WRN: variants seen among roughly 807,000 people sequenced by gnomAD.
WRN encodes bifunctional 3'-5' exonuclease/ATP-dependent helicase WRN.
A neutral mutation model predicts 180.7 loss-of-function variants in WRN; 149 were observed. That is an observed-to-expected ratio of 0.82 (90% CI 0.72 to 0.94). The LOEUF is 0.94. WRN is among the 40% of genes least tolerant of loss of function. WRN has a pLI of 0.00. For synonymous variants in WRN, 548 were observed against 568.9 expected, an observed-to-expected ratio of 0.96 and a Z score of 0.52; for missense variants, 1,661 against 1,700.1, an observed-to-expected ratio of 0.98 and a Z score of 0.40.
intron 13 of WRN, among the ~76,000 whole-genome samples, chr8:31,089,683 A>C (rs1017792031): frequency 6.6e-6 from 1 of 152,040 alleles, no homozygotes; most frequent in African/African-American, 2.4e-5. Flanking sequence ...GGTCAGTAAC[A>C]GCATGCCAGA....
chr8:31,037,345 G>A lies in WRN; in HGVS notation c.-77+3372G>A, dbSNP rs10099812. On this transcript the variant is annotated intron_variant, in intron 1 of 34. Transcript: ENST00000298139. ...GTAACGTGAGGAATGGGGAGCAGCT[G>A]TAAAGAAAAATGAAGCTTCGCTTGC... Among the ~76,000 whole-genome samples the A allele has an allele frequency of 3.5e-3, 538 of 152,328 alleles. 3 individuals carry two copies. The highest frequency in any genetic ancestry group is 0.013 in the African/African-American group (526 of 41,566).
At position 31,127,839 on chromosome 8, in the gene WRN, G is replaced by A. The variant is rs375628657; in HGVS notation, c.2825+2839G>A. Among the ~76,000 whole-genome samples, 103 of 152,206 alleles carry A rather than the reference G, an allele frequency of 6.8e-4. 2 individuals are homozygous for A. The South Asian group carries it at 0.018, about 27-fold the overall frequency. ...CTCTGGAGGCTAAGGTGGAAAGATCGCTTGAGCCTGGAAGGTTGAGACTGC... is the reference window on the plus strand; with the variant it reads ...CTCTGGAGGCTAAGGTGGAAAGATCACTTGAGCCTGGAAGGTTGAGACTGC... On this transcript the variant is annotated intron_variant, in intron 23 of 34. Transcript: ENST00000298139.
rs1267619685 is a variant in WRN at position 31,090,893 on chromosome 8, G to A, written c.1780G>A (p.Val594Ile). 2 of 1,612,820 alleles carry A rather than the reference G, an allele frequency of 1.2e-6. No homozygotes were observed. The highest frequency in any genetic ancestry group is 1.7e-6 in the Non-Finnish European group (2 of 1,179,306). The change falls in exon 15 of 35, where the codon GTT becomes ATT. Residue 594 changes from valine (V) to isoleucine (I), a missense_variant. Coordinates refer to ENST00000298139, the MANE Select transcript of WRN (RefSeq NM_000553.6). Reference protein sequence around the residue: ...PPVYVGKIGLVISPLISLMED... With the variant: ...PPVYVGKIGLIISPLISLMED... Reference sequence around the variant, plus strand: ...TGTTTATGTAGGCAAGATTGGCCTTGTTATCTCTCCCCTTATTTCTCTGAT... The same window carrying A: ...TGTTTATGTAGGCAAGATTGGCCTTATTATCTCTCCCCTTATTTCTCTGAT...
intron 34 of WRN, 128 bp from the exon 35 acceptor site, chr8:31,172,867 C>T: frequency 1.4e-6 from 1 of 718,202 alleles, no homozygotes; most frequent in Non-Finnish European, 2.4e-6. Flanking sequence ...TATATAGATA[C>T]CACTATTTTG....
chr8:31,098,104 C>T (rs1016831139), intron 17 of WRN, among the ~76,000 whole-genome samples: 1 of 152,094 alleles, frequency 6.6e-6, no homozygotes, highest in Non-Finnish European at 1.5e-5. Context: ...CAGCAATTAA[C>T]ATTTCATTAA....
chr8:31,072,571 G>A (rs1032472042), intron 7 of WRN, among the ~76,000 whole-genome samples: 3 of 152,094 alleles, frequency 2.0e-5, no homozygotes, highest in East Asian at 1.9e-4. Flanking sequence ...GGCCTCAAGC[G>A]ATCCTCCTGC....
intron 24 of WRN, among the ~76,000 whole-genome samples, chr8:31,135,400 T>C (rs1302791959): frequency 1.3e-5 from 2 of 152,158 alleles, no homozygotes; most frequent in African/African-American, 4.8e-5. Flanking sequence ...CCACTAGTTA[T>C]TAAACATGTA....
intron 18 of WRN, among the ~76,000 whole-genome samples, chr8:31,107,154 A>G (rs923620629): frequency 1.3e-5 from 2 of 152,236 alleles, no homozygotes; most frequent in East Asian, 1.9e-4. Flanking sequence ...GAAGTGGTAC[A>G]AATAATATAA....
In WRN at chr8:31,147,492, C is replaced by T. The variant is rs751816559; in HGVS notation, c.3572+16C>T. 2.1e-6 allele frequency: 3 copies of T among 1,459,378 alleles called. No individual in the cohort carries two copies. The highest frequency in any genetic ancestry group is 2.7e-6 in the Non-Finnish European group (3 of 1,104,322). 90.4% of individuals were successfully genotyped at this position (1,459,378 alleles called of 1,614,324 possible). A position where few individuals can be genotyped will look rare whatever the true frequency, so the allele number is the denominator to read the frequency against. ...CCAAAATGAGGTAAACTATCTTTTG[C>T]ATGTGTTCTATTTATTTCCTTCTAA... On this transcript the variant is annotated intron_variant, in intron 30 of 34. Coordinates refer to ENST00000298139, the MANE Select transcript of WRN (RefSeq NM_000553.6).
At chr8:31,136,288 G>A (rs56359757) in intron 24 of WRN, among the ~76,000 whole-genome samples, 8,594 of 152,244 alleles carry the variant, frequency 0.056, 269 homozygotes, top group South Asian at 0.086. Flanking sequence ...CCACTGTGCC[G>A]GCCTGAAAAT....
intron 23 of WRN, among the ~76,000 whole-genome samples, chr8:31,129,967 T>A (rs1436610994): frequency 1.5e-5 from 2 of 134,562 alleles, no homozygotes; most frequent in African/African-American, 5.5e-5. Context: ...ATTGGGCCAC[T>A]GCACTCCAGC....
chr8:31,039,626 T>C (rs1275833066), intron 1 of WRN, among the ~76,000 whole-genome samples: 2 of 152,218 alleles, frequency 1.3e-5, no homozygotes, highest in Non-Finnish European at 2.9e-5. Flanking sequence ...TTTGTCTTGC[T>C]TCCTATCTTA....
intron 16 of WRN, among the ~76,000 whole-genome samples, chr8:31,093,230 G>C (rs368849313): frequency 2.0e-5 from 3 of 152,162 alleles, no homozygotes; most frequent in African/African-American, 7.2e-5. Context: ...ATAAGTCTTT[G>C]TATGGACATA....
At position 31,148,212 on chromosome 8, in the gene WRN, T is replaced by C. The variant is rs118061129; in HGVS notation, c.3572+736T>C. Among the ~76,000 whole-genome samples, 60 of 152,238 alleles carry C rather than the reference T, an allele frequency of 3.9e-4. No homozygotes were observed. In the East Asian group the frequency reaches 8.5e-3, roughly 22 times the overall value. On this transcript the variant is annotated intron_variant, in intron 30 of 34. Coordinates refer to ENST00000298139, the MANE Select transcript of WRN (RefSeq NM_000553.6). ...CTTTTTCTCATTTAAATACTTTTCA[T>C]ACCTTTTGTAAAACGGGTTCCTTGT... is the stretch of plus-strand genomic sequence containing the variant.
intron 26 of WRN, 149 bp from the exon 27 acceptor site, chr8:31,142,477 C>A: frequency 1.8e-6 from 1 of 560,692 alleles, no homozygotes; most frequent in East Asian, 3.3e-5. Flanking sequence ...GCTTCCAGAG[C>A]TTTTTCTAGA....
chr8:31,034,832 T>C (rs981363858), intron 1 of WRN, among the ~76,000 whole-genome samples: 3 of 152,124 alleles, frequency 2.0e-5, no homozygotes, highest in Non-Finnish European at 4.4e-5. Context: ...CATTGCTTAG[T>C]GATTGGCTGT....
At chr8:31,095,438 G>A (rs1312545650) in intron 16 of WRN, among the ~76,000 whole-genome samples, 2 of 152,060 alleles carry the variant, frequency 1.3e-5, no homozygotes, top group Non-Finnish European at 2.9e-5. Flanking sequence ...TTGTCGATTC[G>A]TTCTTTTAGG....
At chr8:31,055,160 A>T (rs1219932882) in intron 1 of WRN, among the ~76,000 whole-genome samples, 1 of 152,168 alleles carries the variant, frequency 6.6e-6, no homozygotes, top group Non-Finnish European at 1.5e-5. Flanking sequence ...TGCTATTGTG[A>T]ATAGTGCTGC....
At chr8:31,085,324 T>G (rs780956254) in intron 11 of WRN, 78 bp downstream of exon 11, 154 of 1,476,538 alleles carry the variant, frequency 1.0e-4, no homozygotes, top group Non-Finnish European at 1.4e-4. Flanking sequence ...TAACTAATTC[T>G]AAACCAGGTT....
Sources: allele counts gnomAD v4.1 joint callset (sites outside exome capture counted in the v4.1 genomes callset), GRCh38; gene constraint gnomAD v4.1.1; transcripts MANE v1.5; gene names NCBI Gene and HGNC (gene_info 2026-07-23, HGNC 2026-07-21).